The following CCDC180 variants were observed in gnomAD, a reference collection of about 807,000 sequenced individuals.
The protein encoded by CCDC180 is coiled-coil domain containing 180, also known as coiled-coil domain-containing protein 180.
Under a neutral mutation model 209.2 loss-of-function variants are expected in CCDC180, and 154 were observed. The ratio of observed to expected loss-of-function variants is 0.74; its 90% CI spans 0.65 to 0.84. CCDC180 has a LOEUF of 0.84. CCDC180 is among the 40% of genes least tolerant of loss of function. The probability of loss-of-function intolerance (pLI) is 0.00; values close to 1 mark genes in which losing one functional copy is unlikely to be tolerated. For synonymous variants in CCDC180, 778 were observed against 749.1 expected, an observed-to-expected ratio of 1.04 and a Z score of -0.63; for missense variants, 1,874 against 1,997.3, an observed-to-expected ratio of 0.94 and a Z score of 1.18.
intron 16 of CCDC180, 142 bp from the exon 17 acceptor site, chr9:97,330,012 G>A (rs370049864): frequency 4.6e-5 from 31 of 679,100 alleles, no homozygotes; most frequent in African/African-American, 1.4e-4. Flanking sequence ...AGCTTGCAGC[G>A]AACCAAGACC....
At chr9:97,344,145 G>T (rs1826177824) in intron 19 of CCDC180, among the ~76,000 whole-genome samples, 1 of 152,134 alleles carries the variant, frequency 6.6e-6, no homozygotes, top group Non-Finnish European at 1.5e-5. Flanking sequence ...TAACTCCCAA[G>T]TTTCTGGGCC....
intron 26 of CCDC180, among the ~76,000 whole-genome samples, chr9:97,361,379 A>G (rs1270896973): frequency 6.6e-6 from 1 of 152,250 alleles, no homozygotes; most frequent in Non-Finnish European, 1.5e-5. Context: ...ATTTATTGGT[A>G]TAAGTGCAAG....
chr9:97,338,154 T>C (rs991825081), intron 18 of CCDC180, among the ~76,000 whole-genome samples: 1 of 152,222 alleles, frequency 6.6e-6, no homozygotes, highest in Non-Finnish European at 1.5e-5. Context: ...TTTGTGTCTC[T>C]ATCTCCTTCA....
chr9:97,354,346 G>T (rs559459722), intron 22 of CCDC180, among the ~76,000 whole-genome samples: 15 of 152,094 alleles, frequency 9.9e-5, no homozygotes, highest in Non-Finnish European at 1.3e-4. Context: ...TTTTGTTTCA[G>T]TTGGGTCTGT....
At chr9:97,375,611 G>A (rs758109977) in intron 36 of CCDC180, 22 bp downstream of exon 36, 59 of 1,613,818 alleles carry the variant, frequency 3.7e-5, no homozygotes, top group Admixed American at 5.0e-5. Context: ...TGGAGTGGGC[G>A]TGTCCCAGGG....
At chr9:97,329,488 G>T (rs1047009227) in intron 16 of CCDC180, among the ~76,000 whole-genome samples, 1 of 152,214 alleles carries the variant, frequency 6.6e-6, no homozygotes, top group Non-Finnish European at 1.5e-5. Context: ...AATCATGCCT[G>T]TTGTGTCTGT....
intron 23 of CCDC180, 55 bp downstream of exon 23, chr9:97,354,768 A>T: frequency 6.2e-7 from 1 of 1,609,332 alleles, no homozygotes; most frequent in Non-Finnish European, 8.5e-7. Flanking sequence ...CCCTTGCTCA[A>T]CTCCCTCTGA....
At chr9:97,353,871 T>C (rs1826491034) in intron 22 of CCDC180, among the ~76,000 whole-genome samples, 1 of 152,192 alleles carries the variant, frequency 6.6e-6, no homozygotes, top group African/African-American at 2.4e-5. Context: ...TGGATCCAGC[T>C]CTAGGCTATC....
At chr9:97,324,106 A>G (rs1003484577) in intron 13 of CCDC180, among the ~76,000 whole-genome samples, 8 of 152,042 alleles carry the variant, frequency 5.3e-5, no homozygotes, top group African/African-American at 1.9e-4. Context: ...ACCCACTGAC[A>G]TGGGTGCTGC....
chr9:97,314,261 A>C, intron 5 of CCDC180, 132 bp from the exon 6 acceptor site: 1 of 1,067,786 alleles, frequency 9.4e-7, no homozygotes, highest in South Asian at 1.5e-5. Flanking sequence ...GTGAGCCTCA[A>C]CTCGTTAGGT....
chr9:97,356,682 G>A (rs918908321), intron 24 of CCDC180, among the ~76,000 whole-genome samples: 1 of 152,182 alleles, frequency 6.6e-6, no homozygotes, highest in Admixed American at 6.5e-5. Flanking sequence ...GCTGGTGCTG[G>A]CACTGATTCT....
At chr9:97,362,077 G>T in intron 27 of CCDC180, 119 bp from the exon 28 acceptor site, 13 of 1,438,682 alleles carry the variant, frequency 9.0e-6, no homozygotes, top group Non-Finnish European at 1.0e-5. Flanking sequence ...CTGAAATGGG[G>T]CTCGTGACAG....
At chr9:97,364,934 A>C (rs1381876598) in intron 29 of CCDC180, among the ~76,000 whole-genome samples, 1 of 152,192 alleles carries the variant, frequency 6.6e-6, no homozygotes, top group East Asian at 1.9e-4. Context: ...CATGGTGAAC[A>C]AGTACAGACA....
chr9:97,359,259 A>G (rs1332031776), intron 25 of CCDC180, among the ~76,000 whole-genome samples: 2 of 152,210 alleles, frequency 1.3e-5, no homozygotes, highest in African/African-American at 4.8e-5. Flanking sequence ...AGAAACGTCC[A>G]GTCTCTCACA....
chr9:97,373,397 G>A (rs557181715), intron 34 of CCDC180: 1 of 152,316 alleles, frequency 6.6e-6, no homozygotes, highest in South Asian at 2.1e-4. Context: ...AGAAGCAAGT[G>A]AAGAACACAG....
intron 16 of CCDC180, among the ~76,000 whole-genome samples, chr9:97,328,874 T>A (rs895120350): frequency 6.6e-5 from 10 of 152,214 alleles, no homozygotes; most frequent in African/African-American, 1.9e-4. Context: ...TAATTTTTAT[T>A]CAATTTTGAT....
At chr9:97,374,420 G>A (rs370854111) in intron 34 of CCDC180, 123 bp from the exon 35 acceptor site, 20 of 701,750 alleles carry the variant, frequency 2.9e-5, no homozygotes, top group Non-Finnish European at 4.0e-5. Flanking sequence ...GGCTCAGCCT[G>A]CCATAACTCC....
Position 97,323,872 on chromosome 9 carries a change from G to A in CCDC180, c.1340G>A (p.Gly447Asp). The change falls in exon 13 of 37, where the codon GGC becomes GAC. Residue 447 changes from glycine (G) to aspartate (D), a missense_variant. By Grantham distance (94) the Gly-to-Asp change is moderately conservative. Transcript: ENST00000529487. Reference sequence around the variant, plus strand: ...TTCCAGATGGTGGGAGCACTCCAGGGCAAAGTGGAGGAGGACCTGGAGCTC... The same window carrying A: ...TTCCAGATGGTGGGAGCACTCCAGGACAAAGTGGAGGAGGACCTGGAGCTC... ...FFFQMVGALQGKVEEDLELLD... is the reference protein window; with the variant it reads ...FFFQMVGALQDKVEEDLELLD... 1.3e-6 allele frequency: 2 copies of A among 1,554,830 alleles called. No individual in the cohort carries two copies. Among genetic ancestry groups the A allele is most frequent in the Non-Finnish European group, 1.7e-6 (2 of 1,148,704 alleles).
chr9:97,375,393 G>A (rs1359685856), intron 35 of CCDC180, 61 bp from the exon 36 acceptor site: 2 of 1,604,486 alleles, frequency 1.2e-6, no homozygotes, highest in African/African-American at 2.7e-5. Context: ...AACAGGGTTG[G>A]TAGGTGGATT....
Sources: allele counts gnomAD v4.1 joint callset (sites outside exome capture counted in the v4.1 genomes callset), GRCh38; gene constraint gnomAD v4.1.1; transcripts MANE v1.5; gene names NCBI Gene and HGNC (gene_info 2026-07-23, HGNC 2026-07-21).